Variants in TMEM108 observed in about 807,000 individuals in gnomAD.
The protein encoded by TMEM108 is transmembrane protein 108.
TMEM108 carries 12 observed loss-of-function variants against 35.1 expected under a neutral mutation model. That is an observed-to-expected ratio of 0.34 (90% confidence interval 0.22 to 0.55). The LOEUF is 0.55. Among genes scored for constraint, TMEM108 ranks in the 20% least tolerant of loss-of-function variants. The pLI is 0.89. For missense variants in TMEM108, 680 were observed against 753.3 expected (o/e 0.90, Z 1.14); for synonymous variants, 287 against 308.6 (o/e 0.93, Z 0.73).
At chr3:133,139,627 A>T (rs1290473008) in intron 2 of TMEM108, among the ~76,000 whole-genome samples, 3 of 152,184 alleles carry the variant, frequency 2.0e-5, no homozygotes, top group Non-Finnish European at 4.4e-5. Flanking sequence ...CACAGCTTTA[A>T]GCATTTGCCC....
chr3:133,349,786 G>C (rs1156999081), intron 3 of TMEM108, among the ~76,000 whole-genome samples: 2 of 152,052 alleles, frequency 1.3e-5, no homozygotes, highest in Non-Finnish European at 2.9e-5. Context: ...AAGAAAACAA[G>C]TGCCGGTGAG....
chr3:133,222,609 T>C (rs1294671978), intron 2 of TMEM108, among the ~76,000 whole-genome samples: 5 of 152,126 alleles, frequency 3.3e-5, no homozygotes, highest in Non-Finnish European at 7.4e-5. Flanking sequence ...TTCAAATAAC[T>C]TGTCTTCAAG....
chr3:133,140,642 A>G lies in TMEM108; in HGVS notation c.-46-88624A>G, dbSNP rs191632456. Among the ~76,000 whole-genome samples the G allele has an allele frequency of 6.2e-4, 95 of 152,306 alleles. 2 individuals carry two copies. In the East Asian group the frequency reaches 0.018, roughly 28 times the overall value. On this transcript the variant is annotated intron_variant, in intron 2 of 5. Coordinates refer to ENST00000321871, the MANE Select transcript of TMEM108 (RefSeq NM_023943.4). Reference sequence around the variant, plus strand: ...TTTTAAAACCATCCTCACAAAACAGAAATTAAGTACCAAATTGGTTGCCGT... The same window carrying G: ...TTTTAAAACCATCCTCACAAAACAGGAATTAAGTACCAAATTGGTTGCCGT...
intron 2 of TMEM108, among the ~76,000 whole-genome samples, chr3:133,107,295 A>G (rs1004982802): frequency 6.6e-6 from 1 of 152,146 alleles, no homozygotes; most frequent in African/African-American, 2.4e-5. Flanking sequence ...TTCTTTTGCA[A>G]TCCTAGGAAT....
intron 3 of TMEM108, among the ~76,000 whole-genome samples, chr3:133,270,786 G>A (rs1040280163): frequency 2.2e-5 from 3 of 133,446 alleles, no homozygotes; most frequent in East Asian, 4.2e-4. Flanking sequence ...CTGCCTGTTC[G>A]AAGAATGTAC....
At chr3:133,081,885 A>T (rs1943815170) in intron 2 of TMEM108, among the ~76,000 whole-genome samples, 1 of 152,228 alleles carries the variant, frequency 6.6e-6, no homozygotes, top group Admixed American at 6.5e-5. Flanking sequence ...AGCAACAAGG[A>T]ACTTTTGTGC....
intron 2 of TMEM108, among the ~76,000 whole-genome samples, chr3:133,100,552 CCAT>C (rs1187967529): frequency 6.6e-6 from 1 of 152,156 alleles, no homozygotes; most frequent in Non-Finnish European, 1.5e-5. Context: ...CTGAAGTGAG[CCAT>C]CATCATGCCA....
rs147095414 is a variant in TMEM108, at chr3:133,353,650, C to A, written c.41-26102C>A. Among the ~76,000 whole-genome samples the A allele has an allele frequency of 4.5e-3, 685 of 152,296 alleles. 1 individual carries two copies. The highest frequency in any genetic ancestry group is 8.1e-3 in the Non-Finnish European group (549 of 68,022). The stretch of plus-strand genomic sequence containing the variant: ...TCTATATCACCTGTATGCTTGTAGA[C>A]TGGCAAAGAAAGTCCTGGATTTGAG... On this transcript the variant is annotated intron_variant, in intron 3 of 5. Transcript: ENST00000321871.
chr3:133,203,371 C>T (rs968351513), intron 2 of TMEM108, among the ~76,000 whole-genome samples: 10 of 152,110 alleles, frequency 6.6e-5, no homozygotes, highest in East Asian at 1.9e-4. Flanking sequence ...GTCTTTGTGC[C>T]GGTTTTCAAA....
intron 2 of TMEM108, among the ~76,000 whole-genome samples, chr3:133,064,058 T>G (rs1240877609): frequency 6.6e-6 from 1 of 152,212 alleles, no homozygotes; most frequent in East Asian, 1.9e-4. Context: ...CTTGTGTTTC[T>G]TTTGTCTGGA....
At chr3:133,088,344 G>A (rs1025235322) in intron 2 of TMEM108, among the ~76,000 whole-genome samples, 10 of 152,184 alleles carry the variant, frequency 6.6e-5, no homozygotes, top group African/African-American at 2.4e-4. Flanking sequence ...AGAGAAGAGG[G>A]CTTTGGAGGA....
intron 3 of TMEM108, among the ~76,000 whole-genome samples, chr3:133,374,944 C>G (rs570377257): frequency 1.3e-4 from 19 of 148,676 alleles, no homozygotes; most frequent in Non-Finnish European, 2.7e-4. Flanking sequence ...AGCATAGACT[C>G]TGCAGCCAAG....
chr3:133,228,794 G>C (rs1946111201), intron 2 of TMEM108, among the ~76,000 whole-genome samples: 1 of 151,990 alleles, frequency 6.6e-6, no homozygotes, highest in Non-Finnish European at 1.5e-5. Flanking sequence ...ATCCATACCA[G>C]AAGTATCCTT....
intron 2 of TMEM108, chr3:133,119,042 C>T (rs550615965): frequency 2.0e-5 from 3 of 152,058 alleles, no homozygotes; most frequent in East Asian, 1.9e-4. Context: ...TTGCAGCCTC[C>T]GAAGTACTTT....
chr3:133,281,151 G>A (rs996757110), intron 3 of TMEM108, among the ~76,000 whole-genome samples: 3 of 152,174 alleles, frequency 2.0e-5, no homozygotes, highest in Non-Finnish European at 4.4e-5. Flanking sequence ...CAAACACAAC[G>A]AAGGAAATAC....
At chr3:133,053,966 TA>T (rs1418331985) in intron 2 of TMEM108, among the ~76,000 whole-genome samples, 2 of 152,204 alleles carry the variant, frequency 1.3e-5, no homozygotes, top group Admixed American at 1.3e-4. Flanking sequence ...CATGCAATTT[TA>T]GAGCTGCTGA....
At chr3:133,219,987 G>T (rs139205881) in intron 2 of TMEM108, among the ~76,000 whole-genome samples, 1,627 of 151,430 alleles carry the variant, frequency 0.011, 15 homozygotes, top group Middle Eastern at 0.021. Context: ...GTATGTAGGT[G>T]CTCCAATGTT....
intron 2 of TMEM108, among the ~76,000 whole-genome samples, chr3:133,222,962 A>G (rs1946014509): frequency 2.0e-5 from 3 of 152,096 alleles, no homozygotes; most frequent in Admixed American, 2.0e-4. Context: ...CTGGGACCAT[A>G]GGCACACATC....
chr3:133,311,791 C>T (rs909151898), intron 3 of TMEM108, among the ~76,000 whole-genome samples: 4 of 152,212 alleles, frequency 2.6e-5, no homozygotes, highest in African/African-American at 4.8e-5. Flanking sequence ...AGAAGAGGCA[C>T]TCCGGTTTTT....
Sources: gnomAD v4.1 joint callset for allele counts (sites outside exome capture counted in the v4.1 genomes callset) on GRCh38, gnomAD v4.1.1 for gene constraint, MANE v1.5 for transcripts, NCBI Gene and HGNC (gene_info 2026-07-23, HGNC 2026-07-21) for gene names.